Variants in FANCL observed in about 807,000 individuals in gnomAD.
FANCL encodes the protein E3 ubiquitin-protein ligase FANCL.
A neutral mutation model predicts 59.4 loss-of-function variants in FANCL; 69 were observed. The ratio of observed to expected loss-of-function variants is 1.16; its 90% CI spans 0.96 to 1.42. FANCL has a LOEUF of 1.42. Among genes scored for constraint, FANCL ranks in the 40% most tolerant of loss-of-function variants. The probability of loss-of-function intolerance (pLI) is 0.00; values close to 1 mark genes in which losing one functional copy is unlikely to be tolerated. For synonymous variants in FANCL, 180 were observed against 147.1 expected (o/e 1.22, Z -1.62); for missense variants, 519 against 447.2 (o/e 1.16, Z -1.45).
At chr2:58,201,125 A>C (rs1689969175) in intron 6 of FANCL, among the ~76,000 whole-genome samples, 2 of 150,986 alleles carry the variant, frequency 1.3e-5, no homozygotes, top group South Asian at 4.2e-4. Context: ...ACTACAGTGT[A>C]GATGACTAAA....
At chr2:58,165,921 T>A in intron 7 of FANCL, 47 bp from the exon 8 acceptor site, 1 of 1,574,368 alleles carries the variant, frequency 6.4e-7, no homozygotes. Context: ...ACTCTACCAA[T>A]AGCAGATAAT....
Position 58,229,888 on chromosome 2 carries a change from G to A in FANCL, c.156-14C>T, listed in dbSNP as rs759586585. On this transcript the variant is annotated splice_polypyrimidine_tract_variant and intron_variant, in intron 2 of 13. Coordinates refer to ENST00000233741, the MANE Select transcript of FANCL (RefSeq NM_018062.4). Reference sequence around the variant, plus strand: ...CTACATAATAATCTAAAATTTTAATGAGACAAAATGGTTTATTCATTGTTC... The same window carrying A: ...CTACATAATAATCTAAAATTTTAATAAGACAAAATGGTTTATTCATTGTTC... The A allele has an allele frequency of 1.6e-5, 25 of 1,581,130 alleles. No individual in the cohort carries two copies. The highest frequency in any genetic ancestry group is 1.0e-4 in the Admixed American group (6 of 59,934).
At chr2:58,233,232 GA>G (rs1208414277) in intron 1 of FANCL, among the ~76,000 whole-genome samples, 1 of 132,342 alleles carries the variant, frequency 7.6e-6, no homozygotes, top group African/African-American at 3.7e-5. Flanking sequence ...TAATTTACAC[GA>G]AAAATAGAAG....
At chr2:58,235,821 C>T (rs1693963379) in intron 1 of FANCL, among the ~76,000 whole-genome samples, 1 of 151,834 alleles carries the variant, frequency 6.6e-6, no homozygotes, top group Non-Finnish European at 1.5e-5. Context: ...AATAAAGACT[C>T]CCTCAAAAAA....
At chr2:58,179,056 C>T (rs1166900536) in intron 7 of FANCL, among the ~76,000 whole-genome samples, 1 of 152,112 alleles carries the variant, frequency 6.6e-6, no homozygotes, top group Non-Finnish European at 1.5e-5. Context: ...AGGAGAACTA[C>T]AAACCACTGC....
chr2:58,224,159 G>C lies in FANCL; in HGVS notation c.274-2117C>G, dbSNP rs529940701. Among the ~76,000 whole-genome samples, 6 of 151,898 alleles carry C rather than the reference G, an allele frequency of 4.0e-5. No homozygotes were observed. The South Asian group carries it at 1.2e-3, about 32-fold the overall frequency. On this transcript the variant is annotated intron_variant, in intron 4 of 13. Transcript: ENST00000233741. ...TTTCTCCAAAATTACATGGCCAAGA[G>C]AGCTGTGACTTACAATTTAATGAAG...
intron 7 of FANCL, among the ~76,000 whole-genome samples, chr2:58,172,707 G>A (rs1258999254): frequency 1.3e-5 from 2 of 152,108 alleles, no homozygotes; most frequent in Non-Finnish European, 2.9e-5. Context: ...CAGAAAAACT[G>A]GAAACTCTAA....
At chr2:58,203,350 A>G (rs184952992) in intron 6 of FANCL, among the ~76,000 whole-genome samples, 28 of 151,994 alleles carry the variant, frequency 1.8e-4, no homozygotes, top group African/African-American at 6.5e-4. Context: ...AACACAATTG[A>G]TCTTTTCATC....
At chr2:58,184,529 AG>A (rs1231204908) in intron 7 of FANCL, among the ~76,000 whole-genome samples, 2 of 152,110 alleles carry the variant, frequency 1.3e-5, no homozygotes, top group Non-Finnish European at 2.9e-5. Context: ...TGCAACTGTT[AG>A]ATCTGCTAAT....
Position 58,204,170 on chromosome 2 carries a change from GA to G in FANCL, c.430del (p.Ser144LeufsTer6), listed in dbSNP as rs869320685. 9.3e-6 allele frequency: 15 copies of G among 1,613,262 alleles called. No individual in the cohort carries two copies. The highest frequency in any genetic ancestry group is 1.3e-5 in the Non-Finnish European group (15 of 1,179,380). On this transcript the variant is annotated frameshift_variant, in exon 6 of 14. Transcript: ENST00000233741. LOFTEE classifies it high-confidence loss of function. ...STIKLKAEDASGREHLITLKL... is the reference protein window; with the variant it reads ...STIKLKAEDAXGREHLITLKL... ...GAGAGTGATTAAATGCTCTCTACCAGAAGCATCTTCTGCTTTTAACTTGATG... is the reference window on the plus strand; with the variant it reads ...GAGAGTGATTAAATGCTCTCTACCAGAGCATCTTCTGCTTTTAACTTGATG...
At position 58,169,984 on chromosome 2, in the gene FANCL, G is replaced by T. The variant is rs532464732; in HGVS notation, c.541-4110C>A. The stretch of plus-strand genomic sequence containing the variant: ...AACCAAGTTAAAAAACACTCTTCAG[G>T]ATGTTATCCAGGACAGCTTCTCCAA... On this transcript the variant is annotated intron_variant, in intron 7 of 13. Coordinates refer to ENST00000233741, the MANE Select transcript of FANCL (RefSeq NM_018062.4). Among the ~76,000 whole-genome samples, 12 of 152,160 alleles carry T rather than the reference G, an allele frequency of 7.9e-5. No homozygotes were observed. The East Asian group carries it at 2.3e-3, about 30-fold the overall frequency.
In FANCL at chr2:58,198,594, C is replaced by T; in HGVS notation, c.540G>A (p.Gln180=). The change falls in exon 7 of 14, where the codon CAG becomes CAA. Residue 180 remains glutamine, a splice_region_variant and synonymous_variant. Transcript: ENST00000233741. ...AAGAATTTACCTGAGGAGAATTTACCTGAGGTGTCCAGGAGGCACAAAATG... is the reference window on the plus strand; with the variant it reads ...AAGAATTTACCTGAGGAGAATTTACTTGAGGTGTCCAGGAGGCACAAAATG... ...PVPFCASWTP[Q]SSLISIYSQF... 1 of 1,612,210 alleles carries T rather than the reference C, an allele frequency of 6.2e-7. No homozygotes were observed. Among genetic ancestry groups the T allele is most frequent in the Non-Finnish European group, 8.5e-7 (1 of 1,178,464 alleles).
intron 7 of FANCL, among the ~76,000 whole-genome samples, chr2:58,194,947 G>C (rs1273288056): frequency 6.8e-6 from 1 of 148,002 alleles, no homozygotes; most frequent in Non-Finnish European, 1.5e-5. Context: ...GAAAAATAAA[G>C]ATCTTCCAAG....
intron 7 of FANCL, among the ~76,000 whole-genome samples, chr2:58,166,086 GAGAA>G (rs1281434080): frequency 6.6e-6 from 1 of 152,092 alleles, no homozygotes; most frequent in Non-Finnish European, 1.5e-5. Context: ...CTATACACCT[GAGAA>G]AGAATGGTTT....
chr2:58,214,669 T>C (rs1455980732), intron 5 of FANCL, among the ~76,000 whole-genome samples: 3 of 151,706 alleles, frequency 2.0e-5, no homozygotes, highest in Non-Finnish European at 4.4e-5. Context: ...ACCTAATTTA[T>C]TTATTTATTT....
intron 7 of FANCL, among the ~76,000 whole-genome samples, chr2:58,166,951 G>C (rs1043718434): frequency 6.6e-6 from 1 of 152,144 alleles, no homozygotes; most frequent in African/African-American, 2.4e-5. Context: ...CAGTGGCTCA[G>C]GCCTGTAATC....
intron 7 of FANCL, among the ~76,000 whole-genome samples, chr2:58,171,917 T>G (rs1057059887): frequency 2.0e-5 from 3 of 152,192 alleles, no homozygotes; most frequent in African/African-American, 7.2e-5. Context: ...ACTGCGCTTT[T>G]CCGACGGGTT....
In FANCL at chr2:58,226,927, G is replaced by C. The variant is rs1055152102; in HGVS notation, c.217-143C>G. On this transcript the variant is annotated intron_variant, in intron 3 of 13. Coordinates refer to ENST00000233741, the MANE Select transcript of FANCL (RefSeq NM_018062.4). Reference sequence around the variant, plus strand: ...GAAAACTATAAGAAATGAAGTATCGGTCATCAACTTTACTACTCCTACCAA... The same window carrying C: ...GAAAACTATAAGAAATGAAGTATCGCTCATCAACTTTACTACTCCTACCAA... 9.9e-6 allele frequency: 7 copies of C among 708,960 alleles called. No homozygotes were observed. The African/African-American group carries it at 1.3e-4, about 13-fold the overall frequency. The allele number at this position is 708,960 out of a possible 1,614,324, so 43.9% of individuals were successfully genotyped here.
chr2:58,166,672 A>G (rs1318776851), intron 7 of FANCL, among the ~76,000 whole-genome samples: 1 of 152,272 alleles, frequency 6.6e-6, no homozygotes, highest in Non-Finnish European at 1.5e-5. Context: ...TGTTTCAAGT[A>G]CACAAAATGT....
Sources: gnomAD v4.1 joint callset for allele counts (sites outside exome capture counted in the v4.1 genomes callset) on GRCh38, gnomAD v4.1.1 for gene constraint, MANE v1.5 for transcripts, NCBI Gene and HGNC (gene_info 2026-07-23, HGNC 2026-07-21) for gene names.